The following LCOR variants were observed in gnomAD, a reference collection of about 807,000 sequenced individuals.
The protein encoded by LCOR is ligand dependent nuclear receptor corepressor.
In LCOR, 14 loss-of-function variants were observed where a neutral mutation model predicts 64.4. That is an observed-to-expected ratio of 0.22 (90% CI 0.14 to 0.34). The LOEUF is 0.34. Among genes scored for constraint, LCOR ranks in the 10% least tolerant of loss-of-function variants. LCOR has a pLI of 1.00. For missense variants in LCOR, 1,686 were observed against 1,765.3 expected (o/e 0.96, Z 0.80); for synonymous variants, 643 against 642.5 (o/e 1.00, Z -0.01).
intron 4 of LCOR, among the ~76,000 whole-genome samples, chr10:96,929,016 CAT>C (rs1425250143): frequency 2.6e-5 from 4 of 152,188 alleles, no homozygotes; most frequent in African/African-American, 4.8e-5. Context: ...AATATAAACA[CAT>C]GTGTTGTCAT....
At chr10:96,887,694 T>G (rs1341244675) in intron 2 of LCOR, among the ~76,000 whole-genome samples, 1 of 152,074 alleles carries the variant, frequency 6.6e-6, no homozygotes, top group East Asian at 1.9e-4. Flanking sequence ...TTTTTTTTTT[T>G]TTAATTGAGA....
At chr10:96,877,158 A>AT (rs1354781119) in intron 2 of LCOR, among the ~76,000 whole-genome samples, 2 of 152,168 alleles carry the variant, frequency 1.3e-5, no homozygotes, top group Admixed American at 6.6e-5. Flanking sequence ...TGGAAAATAA[A>AT]CTATCTTAAA....
intron 4 of LCOR, among the ~76,000 whole-genome samples, chr10:96,911,064 A>G (rs1364625764): frequency 6.7e-6 from 1 of 149,358 alleles, no homozygotes; most frequent in Non-Finnish European, 1.5e-5. Context: ...CTGAGCATCT[A>G]CTATGTGCCA....
At chr10:96,893,355 TTATAA>T (rs1304253965) in intron 2 of LCOR, among the ~76,000 whole-genome samples, 1 of 152,214 alleles carries the variant, frequency 6.6e-6, no homozygotes, top group Non-Finnish European at 1.5e-5. Context: ...TCCTAACACT[TTATAA>T]TATAATATCT....
At chr10:96,845,569 G>A (rs1037591097) in intron 2 of LCOR, among the ~76,000 whole-genome samples, 6 of 140,476 alleles carry the variant, frequency 4.3e-5, no homozygotes, top group Non-Finnish European at 9.1e-5. Context: ...CGGGGTTCAT[G>A]CCATTCTCCT....
intron 2 of LCOR, among the ~76,000 whole-genome samples, chr10:96,895,316 G>GT (rs1293010975): frequency 1.3e-5 from 2 of 152,130 alleles, no homozygotes; most frequent in African/African-American, 2.4e-5. Flanking sequence ...GACCAAAAGT[G>GT]TAAGTGTCAT....
intron 4 of LCOR, chr10:96,915,598 A>C: frequency 1.3e-6 from 1 of 797,774 alleles, no homozygotes; most frequent in South Asian, 1.3e-5. Flanking sequence ...TACAGTCACC[A>C]GAAGTACACA....
chr10:96,966,624 A>G (rs927767667), intron 7 of LCOR, among the ~76,000 whole-genome samples: 1 of 152,220 alleles, frequency 6.6e-6, no homozygotes, highest in Non-Finnish European at 1.5e-5. Flanking sequence ...TTTTTTTAAT[A>G]GAAAGTGTTA....
chr10:96,895,769 C>T (rs1056265315), intron 2 of LCOR, among the ~76,000 whole-genome samples: 1 of 152,200 alleles, frequency 6.6e-6, no homozygotes, highest in Non-Finnish European at 1.5e-5. Context: ...CATGTGTCTC[C>T]ATATGGCTTG....
At chr10:96,970,649 TTTTA>T (rs1287061508) in intron 7 of LCOR, among the ~76,000 whole-genome samples, 24 of 149,496 alleles carry the variant, frequency 1.6e-4, no homozygotes, top group African/African-American at 5.2e-4. Context: ...TTTTATTTTA[TTTTA>T]TTTATTTTAT....
intron 2 of LCOR, among the ~76,000 whole-genome samples, chr10:96,865,766 T>C (rs1845960724): frequency 6.6e-6 from 1 of 150,388 alleles, no homozygotes; most frequent in Non-Finnish European, 1.5e-5. Context: ...CCTAGCCACT[T>C]GGGAAGTTGA....
rs1022865764 is a variant in LCOR, at chr10:96,987,645, A to G, written c.*2511A>G. ...ACATTTAAATAGACCAAGAGTCTAC[A>G]TAATTATGACACTTAAAAGTTTAGA... On this transcript the variant is annotated 3_prime_UTR_variant, in exon 8 of 8. Transcript: ENST00000421806. 2 of 152,262 alleles carry G rather than the reference A, an allele frequency of 1.3e-5. No homozygotes were observed. The highest frequency in any genetic ancestry group is 2.9e-5 in the Non-Finnish European group (2 of 68,044). The allele number at this position is 152,262 out of a possible 1,614,324, so 9.4% of individuals were successfully genotyped here. A position where few individuals can be genotyped will look rare whatever the true frequency, so the allele number is the denominator to read the frequency against.
At chr10:96,926,048 T>A (rs1847162038) in intron 4 of LCOR, among the ~76,000 whole-genome samples, 1 of 152,214 alleles carries the variant, frequency 6.6e-6, no homozygotes, top group Non-Finnish European at 1.5e-5. Context: ...GAGCACCTCT[T>A]AAATTCTGTT....
In LCOR at chr10:96,986,161, A is replaced by C. The variant is rs1025403256; in HGVS notation, c.*1027A>C. ...GCATTTGCATGTGGTTATCAGCCAC[A>C]AATGTCTCCCAATCCCAATTTTACA... On this transcript the variant is annotated 3_prime_UTR_variant, in exon 8 of 8. Coordinates refer to ENST00000421806, the MANE Select transcript of LCOR (RefSeq NM_001346516.2). 1.8e-5 allele frequency: 3 copies of C among 167,128 alleles called. No homozygotes were observed. Among genetic ancestry groups the C allele is most frequent in the African/African-American group, 7.2e-5 (3 of 41,466 alleles). The allele number at this position is 167,128 out of a possible 1,614,324, so 10.4% of individuals were successfully genotyped here.
intron 5 of LCOR, among the ~76,000 whole-genome samples, chr10:96,945,647 A>C (rs1312776566): frequency 1.3e-5 from 2 of 152,136 alleles, no homozygotes; most frequent in African/African-American, 4.8e-5. Flanking sequence ...CAGTTCTATC[A>C]GTTTGCTTAC....
chr10:96,951,337 C>T (rs1283553897), intron 6 of LCOR, among the ~76,000 whole-genome samples: 1 of 152,102 alleles, frequency 6.6e-6, no homozygotes, highest in Non-Finnish European at 1.5e-5. Flanking sequence ...AGGCTCTCAT[C>T]AGTATCAAGA....
intron 2 of LCOR, among the ~76,000 whole-genome samples, chr10:96,906,598 A>G (rs546740675): frequency 3.3e-5 from 5 of 152,344 alleles, no homozygotes; most frequent in African/African-American, 9.6e-5. Context: ...CTTTTTTCAC[A>G]CTGGTAGAAG....
At chr10:96,957,775 C>G (rs1334889665) in intron 7 of LCOR, 1 of 985,388 alleles carries the variant, frequency 1.0e-6, no homozygotes, top group Non-Finnish European at 1.2e-6. Flanking sequence ...TACTAAAATA[C>G]ATGCACTGCT....
chr10:96,915,865 A>G, intron 4 of LCOR: 1 of 484,456 alleles, frequency 2.1e-6, no homozygotes. Context: ...ACTTGGCATT[A>G]TCTCCTTTAG....
Sources: gnomAD v4.1 joint callset for allele counts (sites outside exome capture counted in the v4.1 genomes callset) on GRCh38, gnomAD v4.1.1 for gene constraint, MANE v1.5 for transcripts, NCBI Gene and HGNC (gene_info 2026-07-23, HGNC 2026-07-21) for gene names.